The following FOCAD variants were observed in gnomAD, a reference collection of about 807,000 sequenced individuals.
The protein encoded by FOCAD is KIAA1797.
In FOCAD, 198 loss-of-function variants were observed where a neutral mutation model predicts 225.6. The observed-to-expected ratio is 0.88, with a 90% CI of 0.78 to 0.99. The LOEUF (loss-of-function observed/expected upper bound fraction) is 0.99. Ranked by LOEUF, FOCAD falls within the 50% of genes least tolerant of loss-of-function variation. The probability of loss-of-function intolerance (pLI) is 0.00; values close to 1 mark genes in which losing one functional copy is unlikely to be tolerated. For synonymous variants in FOCAD, 897 were observed against 755.0 expected, an observed-to-expected ratio of 1.19 and a Z score of -3.08; for missense variants, 2,713 against 2,123.6, an observed-to-expected ratio of 1.28 and a Z score of -5.46.
intron 11 of FOCAD, among the ~76,000 whole-genome samples, chr9:20,790,813 G>C (rs1464176267): frequency 1.8e-4 from 28 of 152,012 alleles, no homozygotes; most frequent in Non-Finnish European, 1.3e-4. Context: ...AATGTATTTG[G>C]AATTCCTTTT....
intron 2 of FOCAD, among the ~76,000 whole-genome samples, chr9:20,673,052 T>C (rs1009742713): frequency 2.0e-5 from 3 of 152,202 alleles, no homozygotes; most frequent in African/African-American, 7.2e-5. Context: ...TTGCTTGGAG[T>C]ATGCAGTGGC....
intron 4 of FOCAD, among the ~76,000 whole-genome samples, chr9:20,725,160 A>T (rs1254922205): frequency 1.3e-5 from 2 of 152,232 alleles, no homozygotes; most frequent in Non-Finnish European, 2.9e-5. Flanking sequence ...CAACAGAGTG[A>T]GACTCCGTCT....
intron 2 of FOCAD, among the ~76,000 whole-genome samples, chr9:20,717,398 C>T (rs1199562680): frequency 6.6e-6 from 1 of 152,194 alleles, no homozygotes; most frequent in East Asian, 1.9e-4. Flanking sequence ...TATTCGTTAA[C>T]AGTGTGATGA....
chr9:20,745,594 C>A (rs1827979804), intron 5 of FOCAD, among the ~76,000 whole-genome samples: 1 of 152,032 alleles, frequency 6.6e-6, no homozygotes, highest in South Asian at 2.1e-4. Flanking sequence ...TCTGCATATT[C>A]ATATTATGGC....
chr9:20,823,618 A>AT (rs1824561348), intron 15 of FOCAD, among the ~76,000 whole-genome samples: 1 of 151,968 alleles, frequency 6.6e-6, no homozygotes, highest in African/African-American at 2.4e-5. Context: ...TCCCAGAATT[A>AT]TAACACAGCA....
At chr9:20,954,221 G>C (rs1449054407) in intron 35 of FOCAD, among the ~76,000 whole-genome samples, 1 of 152,122 alleles carries the variant, frequency 6.6e-6, no homozygotes, top group Admixed American at 6.6e-5. Context: ...GTAATGTACA[G>C]TTAGTTCATT....
intron 4 of FOCAD, among the ~76,000 whole-genome samples, chr9:20,731,134 A>C (rs7027563): frequency 0.027 from 4,131 of 152,178 alleles, 208 homozygotes; most frequent in African/African-American, 0.092. Flanking sequence ...CCTACTCGGG[A>C]GGCTGAGGCA....
At chr9:20,991,769 C>G (rs1438546360) in intron 42 of FOCAD, among the ~76,000 whole-genome samples, 1 of 149,304 alleles carries the variant, frequency 6.7e-6, no homozygotes, top group Non-Finnish European at 1.5e-5. Context: ...GTCGCAATCC[C>G]TCCGCTGCTC....
chr9:20,729,442 A>T (rs1042129782), intron 4 of FOCAD, among the ~76,000 whole-genome samples: 3 of 152,188 alleles, frequency 2.0e-5, no homozygotes, highest in African/African-American at 7.2e-5. Flanking sequence ...CGACCCACCT[A>T]GGATGATCTC....
chr9:20,878,903 T>C (rs1329148455), intron 19 of FOCAD, among the ~76,000 whole-genome samples: 2 of 152,180 alleles, frequency 1.3e-5, no homozygotes. Flanking sequence ...CTGTTGAGCC[T>C]GGAGTTCTGA....
chr9:20,829,323 C>T (rs926640701), intron 15 of FOCAD, among the ~76,000 whole-genome samples: 14 of 152,088 alleles, frequency 9.2e-5, no homozygotes, highest in Admixed American at 7.9e-4. Context: ...TTAATAATTG[C>T]CATCCTGACT....
chr9:20,926,009 G>T (rs113766758), intron 25 of FOCAD, among the ~76,000 whole-genome samples: 2 of 152,074 alleles, frequency 1.3e-5, no homozygotes, highest in Non-Finnish European at 2.9e-5. Context: ...TTCATTCAAC[G>T]CAGGAGAGCT....
chr9:20,708,617 A>T (rs897726806), intron 1 of FOCAD, among the ~76,000 whole-genome samples: 2 of 151,786 alleles, frequency 1.3e-5, no homozygotes, highest in African/African-American at 4.8e-5. Flanking sequence ...AAAAAATTTT[A>T]AAAAAACTTT....
chr9:20,835,995 T>C (rs1337826500), intron 15 of FOCAD, among the ~76,000 whole-genome samples: 1 of 152,102 alleles, frequency 6.6e-6, no homozygotes, highest in Admixed American at 6.6e-5. Flanking sequence ...AAATACCCTG[T>C]GCCAAGGTTA....
intron 4 of FOCAD, among the ~76,000 whole-genome samples, chr9:20,731,935 A>G (rs761460798): frequency 1.9e-4 from 29 of 151,996 alleles, no homozygotes; most frequent in Non-Finnish European, 3.7e-4. Flanking sequence ...ATATTTATTG[A>G]GTATATTTAT....
At chr9:20,771,795 C>T (rs772667309) in intron 8 of FOCAD, among the ~76,000 whole-genome samples, 1 of 152,154 alleles carries the variant, frequency 6.6e-6, no homozygotes, top group Non-Finnish European at 1.5e-5. Context: ...TCTCAAAGTT[C>T]TGAAGGCTGG....
chr9:20,983,465 G>A (rs868495968), intron 39 of FOCAD, among the ~76,000 whole-genome samples: 6 of 151,616 alleles, frequency 4.0e-5, no homozygotes, highest in Non-Finnish European at 7.4e-5. Context: ...CCAGCTACTC[G>A]GGAGGCTGAG....
intron 18 of FOCAD, among the ~76,000 whole-genome samples, chr9:20,872,492 A>AC (rs1319286696): frequency 3.8e-4 from 17 of 45,298 alleles, no homozygotes; most frequent in Non-Finnish European, 6.3e-4. Context: ...CCGACTCCCC[A>AC]CCCCCCCTTA....
chr9:20,975,021 G>C (rs555168480), intron 35 of FOCAD, among the ~76,000 whole-genome samples: 1 of 152,162 alleles, frequency 6.6e-6, no homozygotes, highest in Admixed American at 6.6e-5. Flanking sequence ...TTCTGATTCA[G>C]GTGCTTTTTT....
Sources: allele counts gnomAD v4.1 joint callset (sites outside exome capture counted in the v4.1 genomes callset), GRCh38; gene constraint gnomAD v4.1.1; transcripts MANE v1.5; gene names NCBI Gene and HGNC (gene_info 2026-07-23, HGNC 2026-07-21).